The following BLTP1 variants were observed in gnomAD, a reference collection of about 807,000 sequenced individuals.
BLTP1 encodes fragile site-associated protein.
chr4:122,293,030 T>G, the BLTP1 span: 9 of 918,942 alleles, frequency 9.8e-6, no homozygotes, highest in Non-Finnish European at 1.0e-5. Context: ...TAACACTTCT[T>G]AAGTCATGCT....
At chr4:122,327,263 C>T in the BLTP1 span, among the ~76,000 whole-genome samples, 2 of 151,564 alleles carry the variant, frequency 1.3e-5, no homozygotes, top group African/African-American at 4.8e-5. Context: ...CCAATATCCA[C>T]AAATACTCGA....
the BLTP1 span, among the ~76,000 whole-genome samples, chr4:122,206,535 C>T: frequency 6.6e-6 from 1 of 151,726 alleles, no homozygotes; most frequent in Admixed American, 6.6e-5. Flanking sequence ...ACAAGTAATC[C>T]TGAATATGTA....
chr4:122,237,175 T>A, the BLTP1 span: 1 of 985,422 alleles, frequency 1.0e-6, no homozygotes, highest in African/African-American at 1.7e-5. Context: ...GATGTTTTTT[T>A]CCATTAGCGG....
At chr4:122,263,062 A>G in the BLTP1 span, 1 of 1,458,210 alleles carries the variant, frequency 6.9e-7, no homozygotes, top group Non-Finnish European at 9.2e-7. Flanking sequence ...GTTTAGTTAG[A>G]TATATACTTT....
chr4:122,250,478 A>G, the BLTP1 span: 1 of 1,613,856 alleles, frequency 6.2e-7, no homozygotes, highest in South Asian at 1.1e-5. Context: ...TCCAACCGGC[A>G]GTGGCTATAA....
chr4:122,273,505 C>CA, the BLTP1 span: 1 of 830,766 alleles, frequency 1.2e-6, no homozygotes, highest in African/African-American at 1.8e-5. Flanking sequence ...AAAAAATTGT[C>CA]AGTTTTTTCA....
At chr4:122,181,286 T>C in the BLTP1 span, 5 of 949,852 alleles carry the variant, frequency 5.3e-6, no homozygotes, top group Non-Finnish European at 6.3e-6. Flanking sequence ...GATCTAAATG[T>C]GCTCCTGGCG....
the BLTP1 span, chr4:122,339,150 T>C: frequency 6.5e-7 from 1 of 1,544,658 alleles, no homozygotes; most frequent in Non-Finnish European, 8.8e-7. Flanking sequence ...ATTATTTCTA[T>C]TTAAAACTTT....
At chr4:122,220,563 T>G in the BLTP1 span, 3 of 1,052,674 alleles carry the variant, frequency 2.8e-6, no homozygotes, top group Non-Finnish European at 4.1e-6. Flanking sequence ...GCATGGACTT[T>G]GTAGCTCTTT....
the BLTP1 span, among the ~76,000 whole-genome samples, chr4:122,297,325 A>C: frequency 6.6e-6 from 1 of 152,254 alleles, no homozygotes; most frequent in African/African-American, 2.4e-5. Context: ...ACTGATCATC[A>C]GAGAAATGCA....
chr4:122,346,001 G>C, the BLTP1 span: 14 of 983,996 alleles, frequency 1.4e-5, no homozygotes, highest in Non-Finnish European at 1.7e-5. Flanking sequence ...ACATTTAGGT[G>C]GAAGGTTCTG....
the BLTP1 span, among the ~76,000 whole-genome samples, chr4:122,203,258 T>G: frequency 6.6e-6 from 1 of 151,882 alleles, no homozygotes; most frequent in African/African-American, 2.4e-5. Flanking sequence ...TTAAGAGATT[T>G]CAATGTGGGA....
chr4:122,296,685 A>G, the BLTP1 span, among the ~76,000 whole-genome samples: 1 of 152,248 alleles, frequency 6.6e-6, no homozygotes, highest in Non-Finnish European at 1.5e-5. Flanking sequence ...GGCTACAGTA[A>G]CTAACACAGC....
chr4:122,333,529 T>C, the BLTP1 span: 1 of 1,230,878 alleles, frequency 8.1e-7, no homozygotes, highest in Non-Finnish European at 1.1e-6. Context: ...TTCTGGATAT[T>C]AGCCCTTTGT....
At chr4:122,175,083 T>C in the BLTP1 span, 1 of 955,418 alleles carries the variant, frequency 1.0e-6, no homozygotes, top group Non-Finnish European at 1.2e-6. Context: ...AACACAAATA[T>C]GAATATAATA....
the BLTP1 span, among the ~76,000 whole-genome samples, chr4:122,195,442 T>TA: frequency 2.1e-3 from 327 of 152,176 alleles, 2 homozygotes; most frequent in Non-Finnish European, 3.6e-3. Flanking sequence ...TTTTTTTTTT[T>TA]ATTGCTTTCA....
chr4:122,223,105 G>A, the BLTP1 span: 4 of 923,018 alleles, frequency 4.3e-6, no homozygotes, highest in African/African-American at 7.1e-5. Flanking sequence ...GAGAAGTCAG[G>A]TGATTTTATA....
the BLTP1 span, chr4:122,334,625 C>T: frequency 7.3e-7 from 1 of 1,365,350 alleles, no homozygotes; most frequent in Non-Finnish European, 1.0e-6. Context: ...TGAGACTTTC[C>T]AATGCACATG....
the BLTP1 span, chr4:122,246,621 A>G: frequency 3.2e-6 from 5 of 1,561,030 alleles, no homozygotes; most frequent in South Asian, 2.4e-5. Flanking sequence ...ATTTTTGTGC[A>G]TATTTTATGT....
Sources: allele counts gnomAD v4.1 joint callset (sites outside exome capture counted in the v4.1 genomes callset), GRCh38; gene constraint gnomAD v4.1.1; transcripts MANE v1.5; gene names NCBI Gene and HGNC (gene_info 2026-07-23, HGNC 2026-07-21).